NTN4: variants seen among roughly 807,000 people sequenced by gnomAD.
NTN4 encodes the protein netrin 4.
In NTN4, 32 loss-of-function variants were observed where a neutral mutation model predicts 73.6. That is an observed-to-expected ratio of 0.44 (90% confidence interval 0.33 to 0.58). The LOEUF is 0.58. Ranked by LOEUF, NTN4 falls within the 20% of genes least tolerant of loss-of-function variation. The pLI is 0.04. For synonymous variants in NTN4, 258 were observed against 287.5 expected, an observed-to-expected ratio of 0.90 and a Z score of 1.04; for missense variants, 654 against 798.3, an observed-to-expected ratio of 0.82 and a Z score of 2.18.
intron 5 of NTN4, among the ~76,000 whole-genome samples, chr12:95,690,909 C>T (rs2078396936): frequency 6.6e-6 from 1 of 152,138 alleles, no homozygotes; most frequent in South Asian, 2.1e-4. Context: ...GTTGACCTCT[C>T]CCTTCTACCA....
intron 2 of NTN4, among the ~76,000 whole-genome samples, chr12:95,753,361 G>A (rs2121223967): frequency 6.8e-6 from 1 of 147,192 alleles, no homozygotes; most frequent in East Asian, 2.0e-4. Context: ...TCGAGGATTT[G>A]TCCCCACCCA....
At chr12:95,697,116 A>G (rs992334324) in intron 5 of NTN4, among the ~76,000 whole-genome samples, 1 of 152,004 alleles carries the variant, frequency 6.6e-6, no homozygotes, top group Non-Finnish European at 1.5e-5. Flanking sequence ...TCAAGGCTGC[A>G]GTGAGCTGTG....
At position 95,676,486 on chromosome 12, in the gene NTN4, G is replaced by A. The variant is rs143734418; in HGVS notation, c.1510+6221C>T. Among the ~76,000 whole-genome samples the A allele has an allele frequency of 1.1e-3, 163 of 152,088 alleles. 4 individuals are homozygous for A. The East Asian group carries it at 0.018, about 16-fold the overall frequency. ...CCTAGACAACTCAATGGATTAAAGCGAAATTCTTAATGGAAATTAGAAAAA... is the reference window on the plus strand; with the variant it reads ...CCTAGACAACTCAATGGATTAAAGCAAAATTCTTAATGGAAATTAGAAAAA... On this transcript the variant is annotated intron_variant, in intron 7 of 9. Transcript: ENST00000343702.
chr12:95,734,823 T>C (rs1050053078), intron 3 of NTN4, among the ~76,000 whole-genome samples: 7 of 152,154 alleles, frequency 4.6e-5, no homozygotes, highest in African/African-American at 1.7e-4. Context: ...GTGGATCACC[T>C]GAGGTCAGGA....
At chr12:95,752,943 C>A (rs1013201035) in intron 2 of NTN4, among the ~76,000 whole-genome samples, 6 of 152,148 alleles carry the variant, frequency 3.9e-5, no homozygotes, top group African/African-American at 1.4e-4. Context: ...CTTTCTGCTC[C>A]CCGGCTCCTT....
intron 5 of NTN4, among the ~76,000 whole-genome samples, chr12:95,693,811 A>T (rs931877087): frequency 1.3e-5 from 2 of 152,186 alleles, no homozygotes; most frequent in African/African-American, 2.4e-5. Flanking sequence ...TGTTGAAAAA[A>T]AGGAGGGTGT....
Position 95,728,540 on chromosome 12 carries a change from C to T in NTN4, c.864+9326G>A, listed in dbSNP as rs79267749. On this transcript the variant is annotated intron_variant, in intron 3 of 9. Transcript: ENST00000343702. ...AATTGAATTAAGTTATAAGTTTGAA[C>T]TAAAAGACAAATAGGCTACAGGATT... 3.0e-3 allele frequency among the ~76,000 whole-genome samples: 460 copies of T among 152,296 alleles called. 1 individual carries two copies. The highest frequency in any genetic ancestry group is 5.1e-3 in the Non-Finnish European group (349 of 68,026).
At chr12:95,780,067 C>A (rs940248101) in intron 2 of NTN4, among the ~76,000 whole-genome samples, 25 of 151,996 alleles carry the variant, frequency 1.6e-4, no homozygotes, top group Admixed American at 2.0e-4. Flanking sequence ...CCCTATTTAA[C>A]AAATGGTGCT....
intron 3 of NTN4, among the ~76,000 whole-genome samples, chr12:95,729,020 G>A (rs1442237291): frequency 6.6e-6 from 1 of 152,112 alleles, no homozygotes; most frequent in Non-Finnish European, 1.5e-5. Context: ...AGAAGCAGAT[G>A]CTGCCATGCT....
chr12:95,741,856 T>C lies in NTN4; in HGVS notation c.586-3712A>G, dbSNP rs559086634. Among the ~76,000 whole-genome samples the C allele has an allele frequency of 3.9e-5, 6 of 152,182 alleles. No homozygotes were observed. The South Asian group carries it at 1.2e-3, about 32-fold the overall frequency. On this transcript the variant is annotated intron_variant, in intron 2 of 9. Transcript: ENST00000343702. ...TTACTGAAACCACGGTAAGTGAAAC[T>C]GCACATAAGGGAGGACTACTGTAAT...
intron 9 of NTN4, 123 bp downstream of exon 9, chr12:95,665,687 C>T: frequency 3.0e-6 from 2 of 658,028 alleles, no homozygotes. Context: ...CCGCAGGAGT[C>T]AGATGGTGAA....
intron 2 of NTN4, 33 bp from the exon 3 acceptor site, chr12:95,738,177 A>T: frequency 1.3e-6 from 2 of 1,580,778 alleles, no homozygotes; most frequent in Non-Finnish European, 1.7e-6. Flanking sequence ...ATGCGTTTAT[A>T]GGACTGTGCG....
intron 8 of NTN4, among the ~76,000 whole-genome samples, chr12:95,666,745 A>G (rs1382435681): frequency 6.6e-6 from 1 of 152,194 alleles, no homozygotes; most frequent in Non-Finnish European, 1.5e-5. Flanking sequence ...CTACTCCTAG[A>G]ATATATTTTG....
At chr12:95,698,713 T>C (rs1233567306) in intron 5 of NTN4, among the ~76,000 whole-genome samples, 2 of 152,032 alleles carry the variant, frequency 1.3e-5, no homozygotes, top group Non-Finnish European at 2.9e-5. Context: ...AAAAATTAGC[T>C]GGGCATGATG....
In NTN4 at chr12:95,710,566, C is replaced by T; in HGVS notation, c.1055G>A (p.Gly352Glu). The change falls in exon 5 of 10, where the codon GGG becomes GAG. Residue 352 changes from glycine (G) to glutamate (E), a missense_variant. Physicochemically the swap from Gly to Glu is moderately conservative, Grantham distance 98. Transcript: ENST00000343702. Reference sequence around the variant, plus strand: ...ATCACAGACACCACCACTACGATTCCCTGATGCCTCCCACACATTAACGTC... The same window carrying T: ...ATCACAGACACCACCACTACGATTCTCTGATGCCTCCCACACATTAACGTC... ...HFDVNVWEASGNRSGGVCDDC... is the reference protein window; with the variant it reads ...HFDVNVWEASENRSGGVCDDC... 1.2e-6 allele frequency: 2 copies of T among 1,614,178 alleles called. No individual in the cohort carries two copies. The highest frequency in any genetic ancestry group is 1.7e-6 in the Non-Finnish European group (2 of 1,180,016).
intron 4 of NTN4, among the ~76,000 whole-genome samples, chr12:95,712,971 C>G (rs1431180084): frequency 6.6e-6 from 1 of 151,742 alleles, no homozygotes; most frequent in Non-Finnish European, 1.5e-5. Flanking sequence ...TTCTTAGCTC[C>G]CACAAAGTAT....
At chr12:95,770,980 G>A (rs1205297447) in intron 2 of NTN4, among the ~76,000 whole-genome samples, 1 of 139,382 alleles carries the variant, frequency 7.2e-6, no homozygotes, top group Non-Finnish European at 1.5e-5. Flanking sequence ...GAACCATCCA[G>A]GAAAAGAATT....
chr12:95,725,891 T>A (rs1282503297), intron 3 of NTN4, among the ~76,000 whole-genome samples: 1 of 152,200 alleles, frequency 6.6e-6, no homozygotes, highest in Non-Finnish European at 1.5e-5. Flanking sequence ...TCTGTGACTA[T>A]CTGTGTATGG....
chr12:95,738,751 G>C (rs2078800963), intron 2 of NTN4, among the ~76,000 whole-genome samples: 1 of 151,982 alleles, frequency 6.6e-6, no homozygotes, highest in Admixed American at 6.5e-5. Flanking sequence ...GTATGAAAAG[G>C]AAAGAATCGA....
Sources: gnomAD v4.1 joint callset for allele counts (sites outside exome capture counted in the v4.1 genomes callset) on GRCh38, gnomAD v4.1.1 for gene constraint, MANE v1.5 for transcripts, NCBI Gene and HGNC (gene_info 2026-07-23, HGNC 2026-07-21) for gene names.